The following UBTD1 variants were observed in gnomAD, a reference collection of about 807,000 sequenced individuals.
UBTD1 encodes ubiquitin domain containing 1, also known as ubiquitin domain-containing protein 1.
In UBTD1, 19 loss-of-function variants were observed where a neutral mutation model predicts 21.7. The ratio of observed to expected loss-of-function variants is 0.87; its 90% CI spans 0.61 to 1.28. The LOEUF (loss-of-function observed/expected upper bound fraction) is 1.28, where lower values mean the gene tolerates loss of function less well. UBTD1 is among the 50% of genes most tolerant of loss of function. UBTD1 has a pLI of 0.00. For synonymous variants in UBTD1, 116 were observed against 135.1 expected (o/e 0.86, Z 0.98); for missense variants, 282 against 315.1 (o/e 0.89, Z 0.80).
At position 97,567,917 on chromosome 10, in the gene UBTD1, G is replaced by T. The variant is rs148532930; in HGVS notation, c.74G>T (p.Arg25Leu). 6.2e-7 allele frequency: 1 copy of T among 1,614,074 alleles called. No individual in the cohort carries two copies. Among genetic ancestry groups the T allele is most frequent in the South Asian group, 1.1e-5 (1 of 91,074 alleles). Residue 25 changes from arginine (R) to leucine (L), a missense_variant, in exon 2 of 3, where the codon CGC becomes CTC. Physicochemically the swap from Arg to Leu is moderately radical, Grantham distance 102. Transcript: ENST00000370664. ...CCTCTCCTTCTGTCCTGCCCAGGAC[G>T]CAATGAGCCCCTGAAGAAAGAGCGG... ...APGHPRKRAG[R>L]NEPLKKERLK...
chr10:97,556,982 C>A (rs898169249), intron 1 of UBTD1, among the ~76,000 whole-genome samples: 3 of 152,186 alleles, frequency 2.0e-5, no homozygotes, highest in Admixed American at 6.5e-5. Flanking sequence ...CCTTCTCTAG[C>A]TATGCAATAC....
intron 1 of UBTD1, among the ~76,000 whole-genome samples, chr10:97,526,711 C>A (rs532058769): frequency 6.6e-6 from 1 of 151,974 alleles, no homozygotes; most frequent in Non-Finnish European, 1.5e-5. Flanking sequence ...GTCAGCCGGG[C>A]ATGGTGGCAT....
intron 1 of UBTD1, among the ~76,000 whole-genome samples, chr10:97,556,328 T>C (rs1245809624): frequency 6.6e-6 from 1 of 152,114 alleles, no homozygotes; most frequent in Non-Finnish European, 1.5e-5. Flanking sequence ...AGACAACAAT[T>C]AGTAAGGTTA....
chr10:97,555,386 C>G lies in UBTD1; in HGVS notation c.71-12528C>G, dbSNP rs115022087. 3.9e-3 allele frequency among the ~76,000 whole-genome samples: 598 copies of G among 152,218 alleles called. 9 individuals carry two copies. Among genetic ancestry groups the G allele is most frequent in the African/African-American group, 0.014 (567 of 41,526 alleles). On this transcript the variant is annotated intron_variant, in intron 1 of 2. Transcript: ENST00000370664. Reference sequence around the variant, plus strand: ...CTCCTTTCTGTCCCTCATATTTAAGCCTTTGATTAACCTGGTTTTGATTTT... The same window carrying G: ...CTCCTTTCTGTCCCTCATATTTAAGGCTTTGATTAACCTGGTTTTGATTTT...
chr10:97,550,236 A>C (rs2040630612), intron 1 of UBTD1, among the ~76,000 whole-genome samples: 1 of 152,144 alleles, frequency 6.6e-6, no homozygotes, highest in Non-Finnish European at 1.5e-5. Context: ...CCATCCCTGG[A>C]GTAAGGGCCT....
chr10:97,499,990 A>G (rs1190045378), intron 1 of UBTD1, among the ~76,000 whole-genome samples: 1 of 152,046 alleles, frequency 6.6e-6, no homozygotes, highest in Non-Finnish European at 1.5e-5. Context: ...TCGCCCCGGG[A>G]AGAGGTCTGT....
rs763654134 is a variant in UBTD1 at position 97,568,056 on chromosome 10, C to A, written c.213C>A (p.Leu71=). The A allele has an allele frequency of 7.4e-6, 12 of 1,613,682 alleles. No homozygotes were observed. Among genetic ancestry groups the A allele is most frequent in the African/African-American group, 1.3e-5 (1 of 74,942 alleles). ...FEGRKEIWDA[L]KAAAYAAEAN... The stretch of plus-strand genomic sequence containing the variant: ...GCCGCAAGGAGATCTGGGATGCCCT[C>A]AAGGCTGCCGCCTATGCTGCTGAAG... Residue 71 remains leucine, a synonymous_variant, in exon 2 of 3, where the codon CTC becomes CTA. Transcript: ENST00000370664.
chr10:97,499,361 C>T, intron 1 of UBTD1, 88 bp downstream of exon 1: 2 of 1,415,638 alleles, frequency 1.4e-6, no homozygotes, highest in South Asian at 1.4e-5. Flanking sequence ...ATGGACTCCC[C>T]ACTGGTGCTG....
At chr10:97,506,916 C>T (rs980020548) in intron 1 of UBTD1, among the ~76,000 whole-genome samples, 1 of 152,192 alleles carries the variant, frequency 6.6e-6, no homozygotes, top group Non-Finnish European at 1.5e-5. Context: ...CATTGATGGA[C>T]CCCTGGGTTG....
intron 1 of UBTD1, among the ~76,000 whole-genome samples, chr10:97,534,029 T>C (rs1490952811): frequency 1.3e-5 from 2 of 152,118 alleles, no homozygotes; most frequent in Non-Finnish European, 2.9e-5. Context: ...CCCTGAAGCC[T>C]TCTACTGCCT....
intron 1 of UBTD1, among the ~76,000 whole-genome samples, chr10:97,518,996 A>G (rs1221059629): frequency 6.6e-6 from 1 of 152,252 alleles, no homozygotes; most frequent in Non-Finnish European, 1.5e-5. Context: ...GCCCAACATC[A>G]TCAATGAGTA....
chr10:97,510,299 G>C (rs1660583174), intron 1 of UBTD1, among the ~76,000 whole-genome samples: 1 of 152,218 alleles, frequency 6.6e-6, no homozygotes, highest in Admixed American at 6.5e-5. Context: ...TCTGAGGTCT[G>C]TCAAAGAGAA....
intron 1 of UBTD1, among the ~76,000 whole-genome samples, chr10:97,539,471 TGTG>T (rs2040577763): frequency 6.6e-6 from 1 of 151,786 alleles, no homozygotes; most frequent in Non-Finnish European, 1.5e-5. Context: ...GATGCACACT[TGTG>T]GTCCCAGCTA....
In UBTD1 at chr10:97,568,077, T is replaced by C. The variant is rs1233170938; in HGVS notation, c.234T>C (p.Ala78=). 6.2e-7 allele frequency: 1 copy of C among 1,613,894 alleles called. No individual in the cohort carries two copies. The highest frequency in any genetic ancestry group is 8.5e-7 in the Non-Finnish European group (1 of 1,180,036). Residue 78 remains alanine (A), a synonymous_variant, in exon 2 of 3, where the codon GCT becomes GCC. Transcript: ENST00000370664. ...WDALKAAAYA[A]EANDHELAQA... is the part of the protein sequence containing the mutation. ...CCCTCAAGGCTGCCGCCTATGCTGC[T>C]GAAGCCAACGACCACGAGCTGGCCC...
chr10:97,541,607 G>C (rs1055844003), intron 1 of UBTD1, among the ~76,000 whole-genome samples: 1 of 152,084 alleles, frequency 6.6e-6, no homozygotes, highest in Non-Finnish European at 1.5e-5. Context: ...AGTCCCTCTA[G>C]GTGGATATTA....
intron 1 of UBTD1, among the ~76,000 whole-genome samples, chr10:97,503,843 T>C (rs992622363): frequency 6.6e-6 from 1 of 152,178 alleles, no homozygotes; most frequent in Non-Finnish European, 1.5e-5. Flanking sequence ...TGTAGTATTA[T>C]ATATGCTGGT....
intron 1 of UBTD1, among the ~76,000 whole-genome samples, chr10:97,530,199 C>CT (rs1372660108): frequency 1.3e-5 from 1 of 74,458 alleles, no homozygotes; most frequent in African/African-American, 3.7e-5. Flanking sequence ...ATACATGTTT[C>CT]TTGAATGAAT....
chr10:97,500,782 A>G (rs929794031), intron 1 of UBTD1, among the ~76,000 whole-genome samples: 1 of 152,200 alleles, frequency 6.6e-6, no homozygotes, highest in Admixed American at 6.5e-5. Flanking sequence ...CTCCCAGAGA[A>G]ATCTTGTTCA....
intron 1 of UBTD1, among the ~76,000 whole-genome samples, chr10:97,501,522 C>A (rs529301141): frequency 1.3e-5 from 2 of 152,094 alleles, no homozygotes; most frequent in Non-Finnish European, 2.9e-5. Flanking sequence ...CTGGAAGTTT[C>A]GCAGAGGTTG....
Sources: allele counts gnomAD v4.1 joint callset (sites outside exome capture counted in the v4.1 genomes callset), GRCh38; gene constraint gnomAD v4.1.1; transcripts MANE v1.5; gene names NCBI Gene and HGNC (gene_info 2026-07-23, HGNC 2026-07-21).